GRXCR2: variants seen among roughly 807,000 people sequenced by gnomAD.
The protein encoded by GRXCR2 is glutaredoxin domain-containing cysteine-rich protein 2.
A neutral mutation model predicts 24.8 loss-of-function variants in GRXCR2; 23 were observed. The ratio of observed to expected loss-of-function variants is 0.93; its 90% CI spans 0.67 to 1.32. The LOEUF is 1.32. GRXCR2 is among the 40% of genes most tolerant of loss of function. GRXCR2 has a pLI of 0.00. For synonymous variants in GRXCR2, 130 were observed against 116.1 expected (o/e 1.12, Z -0.77); for missense variants, 315 against 303.4 (o/e 1.04, Z -0.28).
At chr5:145,876,712 C>G (rs947203130), upstream of GRXCR2, among the ~76,000 whole-genome samples, 1 of 152,144 alleles carries the variant, frequency 6.6e-6, no homozygotes, top group Non-Finnish European at 1.5e-5. Flanking sequence ...TGTTCACAGA[C>G]AGATTTTCAG....
chr5:145,911,155 C>G (rs1466857547), intron 2 of GRXCR2, among the ~76,000 whole-genome samples: 1 of 152,154 alleles, frequency 6.6e-6, no homozygotes, highest in South Asian at 2.1e-4. Flanking sequence ...GTACTGATCA[C>G]CACAAATTAA....
chr5:145,928,525 T>G (rs1581359408), intron 2 of GRXCR2, among the ~76,000 whole-genome samples: 4 of 152,258 alleles, frequency 2.6e-5, no homozygotes, highest in African/African-American at 9.6e-5. Context: ...AATGATAGAC[T>G]GGATTAAGAA....
At chr5:145,922,795 C>A (rs948080537) in intron 2 of GRXCR2, among the ~76,000 whole-genome samples, 1 of 152,208 alleles carries the variant, frequency 6.6e-6, no homozygotes, top group Non-Finnish European at 1.5e-5. Flanking sequence ...GCCCAGAAGA[C>A]TGGTAACAAA....
intron 2 of GRXCR2, among the ~76,000 whole-genome samples, chr5:145,879,794 A>G (rs1756673097): frequency 6.6e-6 from 1 of 152,138 alleles, no homozygotes; most frequent in Non-Finnish European, 1.5e-5. Flanking sequence ...TTGACCACAT[A>G]ACTAAAGCAC....
rs1561683085 is a variant in GRXCR2, at chr5:145,889,177, AAAGAAAGAAAG to A, written c.-69-22460_-69-22450del. 9.1e-3 allele frequency among the ~76,000 whole-genome samples: 787 copies of A among 86,354 alleles called. 26 individuals are homozygous for A. Among genetic ancestry groups the A allele is most frequent in the African/African-American group, 0.032 (744 of 23,066 alleles). The allele number at this position is 86,354 out of a possible 152,430, so 56.7% of individuals were successfully genotyped here. On this transcript the variant is annotated intron_variant, in intron 2 of 3. Coordinates refer to the GRXCR2 transcript ENST00000639411. ...GACCGAGACTCTGTCTCAAAAAAAG[AAAGAAAGAAAG>A]AAAGAAAGAAAGAAAGAAAGAAAGA...
intron 2 of GRXCR2, among the ~76,000 whole-genome samples, chr5:145,866,025 A>T (rs867755229): frequency 2.6e-5 from 4 of 151,664 alleles, no homozygotes; most frequent in African/African-American, 7.3e-5. Flanking sequence ...AATCCCAGCT[A>T]CTCAGGAGGC....
At position 145,895,070 on chromosome 5, in the gene GRXCR2, G is replaced by C. The variant is rs565095287; in HGVS notation, c.-69-28342C>G. Among the ~76,000 whole-genome samples, 9 of 152,140 alleles carry C rather than the reference G, an allele frequency of 5.9e-5. No individual in the cohort carries two copies. In the East Asian group the frequency reaches 1.7e-3, roughly 29 times the overall value. On this transcript the variant is annotated intron_variant, in intron 2 of 3. Transcript: ENST00000639411. ...CCTCAACAGATGCAGAAAAACCTTT[G>C]ACAAAATTCAACAACGCTTCATGCT...
Position 145,921,859 on chromosome 5 carries a change from T to C in GRXCR2, c.-70+13842A>G, listed in dbSNP as rs73792736. On this transcript the variant is annotated intron_variant, in intron 2 of 3. Transcript: ENST00000639411. ...ATGTTTGTATTAAGTTTCCCAGCCATCATTTTGTAGATTTTATTTTTTTAA... is the reference window on the plus strand; with the variant it reads ...ATGTTTGTATTAAGTTTCCCAGCCACCATTTTGTAGATTTTATTTTTTTAA... Among the ~76,000 whole-genome samples the C allele has an allele frequency of 9.4e-3, 1,433 of 152,306 alleles. 24 individuals carry two copies. Among genetic ancestry groups the C allele is most frequent in the African/African-American group, 0.033 (1,354 of 41,578 alleles).
rs1344435854 is a variant in GRXCR2, at chr5:145,888,146, T to C, written c.-69-21418A>G. Reference sequence around the variant, plus strand: ...CACTGCTCTAGTAAGCATGGCTAGTTAAAGCTGATGAAGACTCTGCCACCT... The same window carrying C: ...CACTGCTCTAGTAAGCATGGCTAGTCAAAGCTGATGAAGACTCTGCCACCT... On this transcript the variant is annotated intron_variant, in intron 2 of 3. Transcript: ENST00000639411. Among the ~76,000 whole-genome samples, 3 of 152,310 alleles carry C rather than the reference T, an allele frequency of 2.0e-5. No individual in the cohort carries two copies. The South Asian group carries it at 6.2e-4, about 32-fold the overall frequency.
intron 1 of GRXCR2, among the ~76,000 whole-genome samples, chr5:145,870,131 A>G (rs539192993): frequency 1.3e-5 from 2 of 152,328 alleles, no homozygotes; most frequent in East Asian, 3.9e-4. Flanking sequence ...ACTCAGTGAC[A>G]TTAAGTGCAT....
rs142506682 is a variant in GRXCR2 at position 145,870,711 on chromosome 5, A to G, written c.336+1922T>C. The stretch of plus-strand genomic sequence containing the variant: ...CATTTTCTTCTTTTTCATAAATACC[A>G]CATTGACAAATGATTCCAGGGTGTG... On this transcript the variant is annotated intron_variant, in intron 1 of 2. Coordinates refer to ENST00000377976, the MANE Select transcript of GRXCR2 (RefSeq NM_001080516.2). Among the ~76,000 whole-genome samples the G allele has an allele frequency of 2.6e-4, 39 of 152,290 alleles. 1 individual carries two copies. The East Asian group carries it at 7.5e-3, about 29-fold the overall frequency.
chr5:145,924,658 C>T (rs547202155), intron 2 of GRXCR2, among the ~76,000 whole-genome samples: 2 of 152,264 alleles, frequency 1.3e-5, no homozygotes, highest in Admixed American at 6.5e-5. Context: ...GTGTAAGTTC[C>T]GAGTTCCTCA....
intron 2 of GRXCR2, among the ~76,000 whole-genome samples, chr5:145,864,282 G>A (rs1211690550): frequency 2.0e-5 from 3 of 152,130 alleles, no homozygotes; most frequent in African/African-American, 7.2e-5. Flanking sequence ...GGGGAGATGG[G>A]CAGTGTGTCT....
intron 2 of GRXCR2, among the ~76,000 whole-genome samples, chr5:145,893,346 TAA>T (rs1331811873): frequency 6.6e-6 from 1 of 152,032 alleles, no homozygotes; most frequent in African/African-American, 2.4e-5. Flanking sequence ...GCAAATCGGA[TAA>T]AGAGTCAAGA....
intron 2 of GRXCR2, among the ~76,000 whole-genome samples, chr5:145,915,513 A>C (rs774774609): frequency 6.6e-6 from 1 of 152,120 alleles, no homozygotes; most frequent in East Asian, 1.9e-4. Flanking sequence ...GGCCGGGCAC[A>C]GTGGCTCACA....
intron 2 of GRXCR2, among the ~76,000 whole-genome samples, chr5:145,865,584 AG>A (rs1343970825): frequency 6.6e-6 from 1 of 152,224 alleles, no homozygotes; most frequent in Non-Finnish European, 1.5e-5. Context: ...TCACTAGACA[AG>A]TGTGGTACCC....
intron 2 of GRXCR2, among the ~76,000 whole-genome samples, chr5:145,906,706 T>G: frequency 6.6e-6 from 1 of 152,204 alleles, no homozygotes; most frequent in Non-Finnish European, 1.5e-5. Context: ...TAAATATGTT[T>G]CAGTGTCTGC....
intron 2 of GRXCR2, among the ~76,000 whole-genome samples, chr5:145,924,229 T>A (rs1315958895): frequency 6.6e-6 from 1 of 152,144 alleles, no homozygotes; most frequent in Non-Finnish European, 1.5e-5. Context: ...GCAAGGCAAA[T>A]CTATTTTAGA....
At chr5:145,912,564 T>A (rs1310546992) in intron 2 of GRXCR2, among the ~76,000 whole-genome samples, 1 of 151,842 alleles carries the variant, frequency 6.6e-6, no homozygotes, top group East Asian at 1.9e-4. Context: ...TGTAAACAAT[T>A]TGATAGATGG....
Sources: allele counts gnomAD v4.1 joint callset (sites outside exome capture counted in the v4.1 genomes callset), GRCh38; gene constraint gnomAD v4.1.1; transcripts MANE v1.5; gene names NCBI Gene and HGNC (gene_info 2026-07-23, HGNC 2026-07-21).